TMEM108: variants seen among roughly 807,000 people sequenced by gnomAD.
TMEM108 encodes the protein cancer/testis antigen 124.
Under a neutral mutation model 35.1 loss-of-function variants are expected in TMEM108, and 12 were observed. The ratio of observed to expected loss-of-function variants is 0.34; its 90% CI spans 0.22 to 0.55. The LOEUF (loss-of-function observed/expected upper bound fraction) is 0.55. Ranked by LOEUF, TMEM108 falls within the 20% of genes least tolerant of loss-of-function variation. The pLI is 0.89. For missense variants in TMEM108, 680 were observed against 753.3 expected, an observed-to-expected ratio of 0.90 and a Z score of 1.14; for synonymous variants, 287 against 308.6, an observed-to-expected ratio of 0.93 and a Z score of 0.73.
At chr3:133,088,007 A>G (rs1283623905) in intron 2 of TMEM108, among the ~76,000 whole-genome samples, 1 of 152,110 alleles carries the variant, frequency 6.6e-6, no homozygotes, top group Admixed American at 6.6e-5. Context: ...GCAAAGAGAA[A>G]AAAAGAAGAT....
Position 133,388,288 on chromosome 3 carries a change from G to C in TMEM108, c.1451-1892G>C, listed in dbSNP as rs991603645. 4.5e-5 allele frequency: 44 copies of C among 984,860 alleles called. No homozygotes were observed. In the African/African-American group the frequency reaches 7.5e-4, roughly 17 times the overall value. 61.0% of individuals were successfully genotyped at this position (984,860 alleles called of 1,614,324 possible). A position where few individuals can be genotyped will look rare whatever the true frequency, so the allele number is the denominator to read the frequency against. On this transcript the variant is annotated intron_variant, in intron 4 of 5. Coordinates refer to ENST00000321871, the MANE Select transcript of TMEM108 (RefSeq NM_023943.4). ...GAAGAACAGAGACACCAGAGAAGGG[G>C]ACAGGGGACCCGGGATCTTGTCCCA...
intron 2 of TMEM108, among the ~76,000 whole-genome samples, chr3:133,070,504 A>G (rs557709810): frequency 6.6e-6 from 1 of 152,156 alleles, no homozygotes; most frequent in South Asian, 2.1e-4. Flanking sequence ...AAGGCTTAGA[A>G]CCCTAGTGCA....
At chr3:133,375,618 G>A (rs2072813458) in intron 3 of TMEM108, among the ~76,000 whole-genome samples, 1 of 152,212 alleles carries the variant, frequency 6.6e-6, no homozygotes, top group Non-Finnish European at 1.5e-5. Flanking sequence ...TGTTTATTGT[G>A]ACAGTGTGCA....
At chr3:133,304,658 G>A (rs2107705964) in intron 3 of TMEM108, among the ~76,000 whole-genome samples, 1 of 152,156 alleles carries the variant, frequency 6.6e-6, no homozygotes, top group South Asian at 2.1e-4. Context: ...GTTTATTCAT[G>A]TTATAGCCTG....
intron 2 of TMEM108, among the ~76,000 whole-genome samples, chr3:133,093,406 G>A (rs946576242): frequency 1.3e-5 from 2 of 152,238 alleles, no homozygotes; most frequent in African/African-American, 4.8e-5. Flanking sequence ...GGCAGTAGGA[G>A]CTTCCTCCCA....
intron 2 of TMEM108, among the ~76,000 whole-genome samples, chr3:133,149,756 G>A (rs553985725): frequency 1.3e-5 from 2 of 151,894 alleles, no homozygotes; most frequent in South Asian, 4.2e-4. Context: ...ATATGTCTCA[G>A]GTACATATAC....
chr3:133,127,283 GT>G (rs1314616787), intron 2 of TMEM108, among the ~76,000 whole-genome samples: 15 of 152,112 alleles, frequency 9.9e-5, no homozygotes, highest in African/African-American at 3.4e-4. Flanking sequence ...ATAAAATTTG[GT>G]TTCTTATTCA....
intron 3 of TMEM108, among the ~76,000 whole-genome samples, chr3:133,371,923 G>A (rs902966972): frequency 6.6e-6 from 1 of 152,298 alleles, no homozygotes; most frequent in Non-Finnish European, 1.5e-5. Flanking sequence ...CAAGACACTG[G>A]CCATTTCCAT....
At chr3:133,180,024 A>G (rs137962527) in intron 2 of TMEM108, among the ~76,000 whole-genome samples, 68 of 152,302 alleles carry the variant, frequency 4.5e-4, no homozygotes, top group African/African-American at 1.5e-3. Flanking sequence ...TTCAAAAGAT[A>G]GTTAAGAAAT....
At chr3:133,275,778 T>C (rs1015531368) in intron 3 of TMEM108, among the ~76,000 whole-genome samples, 2 of 152,192 alleles carry the variant, frequency 1.3e-5, no homozygotes, top group African/African-American at 4.8e-5. Context: ...AATAGCTTTA[T>C]ATAGGTTGGG....
At chr3:133,123,886 G>A (rs538218165) in intron 2 of TMEM108, among the ~76,000 whole-genome samples, 8 of 152,310 alleles carry the variant, frequency 5.3e-5, no homozygotes, top group Non-Finnish European at 1.2e-4. Context: ...TTGGCTGCAG[G>A]TAGGAGTAGA....
intron 3 of TMEM108, among the ~76,000 whole-genome samples, chr3:133,323,360 C>T (rs1275646793): frequency 2.0e-5 from 3 of 152,110 alleles, no homozygotes; most frequent in Non-Finnish European, 2.9e-5. Flanking sequence ...GTACACAAAT[C>T]AGTAGCACTG....
chr3:133,228,593 G>A (rs1445016537), intron 2 of TMEM108, among the ~76,000 whole-genome samples: 1 of 152,042 alleles, frequency 6.6e-6, no homozygotes, highest in African/African-American at 2.4e-5. Context: ...AGCTATTTCT[G>A]CTGCTAAGGA....
At chr3:133,384,484 T>C (rs140092508) in intron 4 of TMEM108, among the ~76,000 whole-genome samples, 47 of 143,932 alleles carry the variant, frequency 3.3e-4, no homozygotes, top group African/African-American at 1.1e-3. Flanking sequence ...CCTGGAGGCA[T>C]ATATGTGTCC....
intron 2 of TMEM108, among the ~76,000 whole-genome samples, chr3:133,171,583 T>C (rs1448840122): frequency 1.3e-5 from 2 of 152,178 alleles, no homozygotes; most frequent in African/African-American, 4.8e-5. Context: ...TTCAGGGACA[T>C]TTCCTGCTTA....
chr3:133,241,246 T>A (rs1379636523), intron 3 of TMEM108, among the ~76,000 whole-genome samples: 1 of 152,264 alleles, frequency 6.6e-6, no homozygotes. Flanking sequence ...TGGAGATTCT[T>A]CAAGCTAGAA....
At chr3:133,390,138 T>G (rs1267209242) in intron 4 of TMEM108, 42 bp from the exon 5 acceptor site, 1 of 1,611,426 alleles carries the variant, frequency 6.2e-7, no homozygotes, top group Non-Finnish European at 8.5e-7. Context: ...GGCACCATCC[T>G]TGCTGCCTCC....
intron 2 of TMEM108, among the ~76,000 whole-genome samples, chr3:133,075,232 A>G (rs932625743): frequency 4.6e-5 from 7 of 152,146 alleles, no homozygotes; most frequent in African/African-American, 1.4e-4. Context: ...TTCCTCTGGG[A>G]TATATACAAG....
intron 3 of TMEM108, among the ~76,000 whole-genome samples, chr3:133,370,402 T>G (rs1197293): frequency 0.31 from 46,935 of 152,100 alleles, 8,424 homozygotes; most frequent in East Asian, 0.42. Context: ...ACTACAGAGA[T>G]AAAGCACCTC....
Sources: gnomAD v4.1 joint callset for allele counts (sites outside exome capture counted in the v4.1 genomes callset) on GRCh38, gnomAD v4.1.1 for gene constraint, MANE v1.5 for transcripts, NCBI Gene and HGNC (gene_info 2026-07-23, HGNC 2026-07-21) for gene names.